YAE1: variants seen among roughly 807,000 people sequenced by gnomAD.
YAE1 encodes the protein YAE1 maturation factor of ABCE1.
A neutral mutation model predicts 23.0 loss-of-function variants in YAE1; 22 were observed. The ratio of observed to expected loss-of-function variants is 0.96; its 90% CI spans 0.68 to 1.37. The LOEUF is 1.37. YAE1 is among the 40% of genes most tolerant of loss of function. The pLI, the probability that YAE1 is intolerant of heterozygous loss-of-function variation, is 0.00. For synonymous variants in YAE1, 101 were observed against 97.0 expected (o/e 1.04, Z -0.24); for missense variants, 260 against 262.1 (o/e 0.99, Z 0.06).
chr7:39,583,262 G>A (rs1177724965), intron 2 of YAE1, among the ~76,000 whole-genome samples: 3 of 152,180 alleles, frequency 2.0e-5, no homozygotes, highest in Non-Finnish European at 1.5e-5. Flanking sequence ...ATACAAAAAT[G>A]TATATTTTGC....
downstream of YAE1, among the ~76,000 whole-genome samples, chr7:39,575,575 A>AGAGAGT (rs1339594299): frequency 2.3e-3 from 190 of 81,702 alleles, no homozygotes; most frequent in African/African-American, 0.014. Flanking sequence ...AGAGAGAGAG[A>AGAGAGT]GAGTGAGTGT....
At chr7:39,605,439 C>T (rs1460401141) in intron 2 of YAE1, among the ~76,000 whole-genome samples, 1 of 152,194 alleles carries the variant, frequency 6.6e-6, no homozygotes, top group Admixed American at 6.5e-5. Flanking sequence ...CAGTTGAAGG[C>T]CTGAATAGAA....
exon 3 of YAE1, chr7:39,609,799 C>T: frequency 6.5e-7 from 1 of 1,531,892 alleles, no homozygotes. Context: ...GGCCGCGCCA[C>T]TCCCCGCTTC....
At chr7:39,610,452 G>T, downstream of YAE1, 2 of 438,472 alleles carry the variant, frequency 4.6e-6, no homozygotes, top group South Asian at 3.3e-5. Context: ...CTTTCTGGTT[G>T]CCACAGGTAT....
chr7:39,595,280 T>C (rs1790958682), intron 2 of YAE1, among the ~76,000 whole-genome samples: 1 of 152,164 alleles, frequency 6.6e-6, no homozygotes, highest in Non-Finnish European at 1.5e-5. Context: ...AAGCATCACA[T>C]TCAATTATTC....
At chr7:39,598,549 G>A (rs973110892) in intron 2 of YAE1, among the ~76,000 whole-genome samples, 5 of 151,926 alleles carry the variant, frequency 3.3e-5, no homozygotes, top group African/African-American at 4.8e-5. Flanking sequence ...GGCCAAGAAG[G>A]GTGGATCACT....
downstream of YAE1, among the ~76,000 whole-genome samples, chr7:39,577,470 C>T (rs1790672048): frequency 6.6e-6 from 1 of 152,090 alleles, no homozygotes; most frequent in South Asian, 2.1e-4. Flanking sequence ...GCGTGAGCTT[C>T]TGGTGGGAGG....
chr7:39,578,287 A>G (rs893747596), intron 2 of YAE1, among the ~76,000 whole-genome samples: 3 of 152,148 alleles, frequency 2.0e-5, no homozygotes, highest in Non-Finnish European at 4.4e-5. Context: ...ACGGACCAAT[A>G]AGCTGTCTGT....
At chr7:39,586,333 C>T (rs544951289) in intron 2 of YAE1, among the ~76,000 whole-genome samples, 88 of 150,748 alleles carry the variant, frequency 5.8e-4, no homozygotes, top group African/African-American at 2.1e-3. Flanking sequence ...CCACCATGCC[C>T]GGCTAATTTT....
In YAE1 at chr7:39,586,318, G is replaced by T. The variant is rs552902853; in HGVS notation, c.251+15691G>T. Among the ~76,000 whole-genome samples, 9 of 150,624 alleles carry T rather than the reference G, an allele frequency of 6.0e-5. No individual in the cohort carries two copies. The South Asian group carries it at 1.9e-3, about 32-fold the overall frequency. ...CTCCCGAGTAGCTGGGACTACAGGC[G>T]CCTGCCACCATGCCCGGCTAATTTT... On this transcript the variant is annotated intron_variant, in intron 2 of 2. Coordinates refer to the YAE1 transcript ENST00000432096.
intron 2 of YAE1, among the ~76,000 whole-genome samples, chr7:39,571,382 C>CA (rs1040549322): frequency 6.7e-6 from 1 of 148,988 alleles, no homozygotes; most frequent in African/African-American, 2.5e-5. Context: ...AAAGATTGGA[C>CA]ACCCCTGCTT....
chr7:39,575,938 A>C (rs1268315535), downstream of YAE1, among the ~76,000 whole-genome samples: 1 of 152,140 alleles, frequency 6.6e-6, no homozygotes, highest in African/African-American at 2.4e-5. Context: ...CTCCAACAGC[A>C]CTTTTTCTTG....
At chr7:39,573,062 G>A (rs573122568), downstream of YAE1, among the ~76,000 whole-genome samples, 1 of 152,072 alleles carries the variant, frequency 6.6e-6, no homozygotes, top group East Asian at 1.9e-4. Context: ...TCACTATTAG[G>A]TGGTCAGGAC....
intron 2 of YAE1, among the ~76,000 whole-genome samples, chr7:39,592,384 G>A (rs1026166816): frequency 6.6e-6 from 1 of 151,974 alleles, no homozygotes; most frequent in African/African-American, 2.4e-5. Flanking sequence ...GTTTTAATTG[G>A]CATTTCCTTA....
chr7:39,609,901 C>A, exon 3 of YAE1: 1 of 1,531,426 alleles, frequency 6.5e-7, no homozygotes, highest in Non-Finnish European at 8.7e-7. Context: ...GCAGCCTGCC[C>A]CGCCTGGCCG....
chr7:39,575,581 A>T (rs202013820), downstream of YAE1, among the ~76,000 whole-genome samples: 14,047 of 105,348 alleles, frequency 0.13, 780 homozygotes, highest in Middle Eastern at 0.18. Flanking sequence ...AGAGAGAGTG[A>T]GTGTGTGTGT....
At chr7:39,599,256 A>C (rs1791020524) in intron 2 of YAE1, among the ~76,000 whole-genome samples, 1 of 152,144 alleles carries the variant, frequency 6.6e-6, no homozygotes, top group South Asian at 2.1e-4. Flanking sequence ...AATAATAATA[A>C]ATAAATAAAT....
In YAE1 at chr7:39,572,353, G is replaced by T; in HGVS notation, c.328G>T (p.Val110Phe). The change falls in exon 3 of 3, where the codon GTT becomes TTT. Residue 110 changes from valine (V) to phenylalanine (F), a missense_variant. Physicochemically the swap from Val to Phe is conservative, Grantham distance 50. Coordinates refer to ENST00000223273, the MANE Select transcript of YAE1 (RefSeq NM_020192.5). Reference protein sequence around the residue: ...INKINNLLDAVGQCEEYVLKH... With the variant: ...INKINNLLDAFGQCEEYVLKH... Reference sequence around the variant, plus strand: ...TAAAATAAACAATCTTCTGGATGCAGTTGGCCAGTGTGAAGAGTATGTGCT... The same window carrying T: ...TAAAATAAACAATCTTCTGGATGCATTTGGCCAGTGTGAAGAGTATGTGCT... 1.9e-6 allele frequency: 3 copies of T among 1,614,088 alleles called. No individual in the cohort carries two copies. Among genetic ancestry groups the T allele is most frequent in the Non-Finnish European group, 2.5e-6 (3 of 1,179,968 alleles).
chr7:39,608,899 C>A (rs1408808327), intron 2 of YAE1, among the ~76,000 whole-genome samples: 1 of 152,220 alleles, frequency 6.6e-6, no homozygotes, highest in African/African-American at 2.4e-5. Flanking sequence ...AACCAATACT[C>A]ATTCTGAGTA....
Sources: allele counts gnomAD v4.1 joint callset (sites outside exome capture counted in the v4.1 genomes callset), GRCh38; gene constraint gnomAD v4.1.1; transcripts MANE v1.5; gene names NCBI Gene and HGNC (gene_info 2026-07-23, HGNC 2026-07-21).